Variants in INTS3 observed in about 807,000 individuals in gnomAD.
INTS3 encodes the protein SOSS complex subunit A.
A neutral mutation model predicts 146.3 loss-of-function variants in INTS3; 34 were observed. The observed-to-expected ratio is 0.23, with a 90% confidence interval of 0.18 to 0.31. INTS3 has a LOEUF of 0.31. Among genes scored for constraint, INTS3 ranks in the 10% least tolerant of loss-of-function variants. The probability of loss-of-function intolerance (pLI) is 1.00; values close to 1 mark genes in which losing one functional copy is unlikely to be tolerated. For synonymous variants in INTS3, 475 were observed against 494.9 expected, an observed-to-expected ratio of 0.96 and a Z score of 0.53; for missense variants, 757 against 1,304.2, an observed-to-expected ratio of 0.58 and a Z score of 6.46.
intron 3 of INTS3, among the ~76,000 whole-genome samples, chr1:153,745,345 T>A (rs1232085240): frequency 6.6e-6 from 1 of 151,940 alleles, no homozygotes; most frequent in Admixed American, 6.6e-5. Flanking sequence ...TTAGTAGAGA[T>A]GGAGTTTCAC....
chr1:153,732,038 G>A (rs1456590544), intron 1 of INTS3, among the ~76,000 whole-genome samples: 1 of 149,574 alleles, frequency 6.7e-6, no homozygotes, highest in Non-Finnish European at 1.5e-5. Context: ...CTCCAGAGTA[G>A]CTGGGATTAC....
intron 3 of INTS3, chr1:153,746,716 C>T: frequency 2.2e-6 from 1 of 451,780 alleles, no homozygotes; most frequent in South Asian, 3.7e-5. Context: ...GCAGGCTTTT[C>T]TGCCTCATTA....
chr1:153,735,170 A>G (rs554250695), intron 1 of INTS3, among the ~76,000 whole-genome samples: 15 of 152,168 alleles, frequency 9.9e-5, no homozygotes, highest in East Asian at 1.9e-4. Context: ...CGGCTTCACT[A>G]TGTTGCCTAG....
chr1:153,759,169 C>G (rs1407459134), intron 10 of INTS3, among the ~76,000 whole-genome samples: 2 of 151,332 alleles, frequency 1.3e-5, no homozygotes, highest in East Asian at 3.9e-4. Flanking sequence ...CCTGTAGTCC[C>G]AGGCTGAGGT....
chr1:153,767,888 T>A, intron 21 of INTS3, 61 bp downstream of exon 21: 2 of 1,489,108 alleles, frequency 1.3e-6, no homozygotes, highest in Non-Finnish European at 1.8e-6. Flanking sequence ...CAGTGAACAC[T>A]CTGAGTACAC....
At chr1:153,752,627 C>A (rs1044243487) in intron 8 of INTS3, among the ~76,000 whole-genome samples, 1 of 152,208 alleles carries the variant, frequency 6.6e-6, no homozygotes, top group Admixed American at 6.5e-5. Flanking sequence ...CAGACTCCAG[C>A]TGCCACATTA....
intron 1 of INTS3, among the ~76,000 whole-genome samples, chr1:153,731,187 A>G (rs926158402): frequency 1.3e-5 from 2 of 152,168 alleles, no homozygotes; most frequent in African/African-American, 2.4e-5. Context: ...GTAAAAAAAC[A>G]AAAACAATAA....
intron 1 of INTS3, among the ~76,000 whole-genome samples, chr1:153,737,680 G>A (rs1046489660): frequency 6.6e-6 from 1 of 152,116 alleles, no homozygotes; most frequent in Non-Finnish European, 1.5e-5. Flanking sequence ...TGTATTTTTA[G>A]TAGAGACGGG....
intron 7 of INTS3, 129 bp from the exon 8 acceptor site, chr1:153,752,150 A>C: frequency 1.1e-6 from 1 of 942,452 alleles, no homozygotes; most frequent in Middle Eastern, 2.2e-4. Context: ...TTCCAGAAGA[A>C]ATCATAGTTT....
chr1:153,766,475 T>C (rs1177048083), intron 20 of INTS3: 1 of 151,878 alleles, frequency 6.6e-6, no homozygotes, highest in Non-Finnish European at 1.5e-5. Context: ...TTTTTGTATT[T>C]TTTTGTAGAG....
intron 5 of INTS3, chr1:153,747,698 T>C: frequency 8.7e-6 from 3 of 343,532 alleles, no homozygotes; most frequent in Middle Eastern, 9.1e-4. Context: ...GGGCAATTAA[T>C]TTGTTCTCAA....
chr1:153,731,356 C>A (rs578080130), intron 1 of INTS3, among the ~76,000 whole-genome samples: 3 of 152,246 alleles, frequency 2.0e-5, no homozygotes, highest in African/African-American at 7.2e-5. Context: ...TATATCCTTT[C>A]TTCTCTTTGG....
chr1:153,742,506 G>GTT (rs1470351106), intron 3 of INTS3, among the ~76,000 whole-genome samples: 1 of 151,820 alleles, frequency 6.6e-6, no homozygotes, highest in African/African-American at 2.4e-5. Context: ...GTGTGTGTGT[G>GTT]TGCGTGCGCA....
intron 3 of INTS3, among the ~76,000 whole-genome samples, chr1:153,745,111 C>T (rs1230826667): frequency 6.6e-6 from 1 of 150,416 alleles, no homozygotes; most frequent in East Asian, 1.9e-4. Flanking sequence ...TTGTTGATGC[C>T]ATCCTTGCTG....
chr1:153,737,100 A>G (rs886249347), intron 1 of INTS3, among the ~76,000 whole-genome samples: 1 of 152,008 alleles, frequency 6.6e-6, no homozygotes, highest in African/African-American at 2.4e-5. Flanking sequence ...CCTATTATCC[A>G]TATTTGTCAG....
At chr1:153,769,692 C>T in intron 22 of INTS3, 77 bp from the exon 23 acceptor site, 2 of 946,830 alleles carry the variant, frequency 2.1e-6, no homozygotes, top group Non-Finnish European at 3.4e-6. Context: ...TACGAGCCCT[C>T]CTGCGTCCCC....
In INTS3 at chr1:153,770,100, T is replaced by TGC. The variant is rs1318371585; in HGVS notation, c.2390-97_2390-96insCG. 5.6e-5 allele frequency: 23 copies of TGC among 409,106 alleles called. 1 individual carries two copies. The highest frequency in any genetic ancestry group is 9.1e-5 in the Non-Finnish European group (21 of 230,552). 25.3% of individuals were successfully genotyped at this position (409,106 alleles called of 1,614,324 possible). On this transcript the variant is annotated intron_variant, in intron 23 of 29. Transcript: ENST00000318967. ...GTGTGTGTGTGTGTGTGTGTGTGTG[T>TGC]GTGCTGGTAGTCAGTGGATGGGGGG...
At position 153,762,249 on chromosome 1, in the gene INTS3, G is replaced by A. The variant is rs575489775; in HGVS notation, c.1517-479G>A. Among the ~76,000 whole-genome samples, 389 of 152,332 alleles carry A rather than the reference G, an allele frequency of 2.6e-3. 3 individuals are homozygous for A. The highest frequency in any genetic ancestry group is 8.9e-3 in the African/African-American group (369 of 41,576). On this transcript the variant is annotated intron_variant, in intron 14 of 29. Coordinates refer to ENST00000318967, the MANE Select transcript of INTS3 (RefSeq NM_023015.5). ...GGATCACTTGAGGTCAGGAGTTCAA[G>A]ACCAGCCTGGCCAACATCATGAAAC...
At position 153,757,098 on chromosome 1, in the gene INTS3, A is replaced by G. The variant is rs1672188976; in HGVS notation, c.958-474A>G. On this transcript the variant is annotated intron_variant, in intron 9 of 29. Transcript: ENST00000318967. This position sits in a 1 kb window ranked among gnomAD's most constrained non-coding sequence, Gnocchi z 4.0. ...AAACTTTCCACAAGAAGGTTTGGAG[A>G]GTCTAGGCTTTGGATAATGGTCCTG... is the stretch of plus-strand genomic sequence containing the variant. 6.6e-6 allele frequency among the ~76,000 whole-genome samples: 1 copy of G among 152,176 alleles called. No individual in the cohort carries two copies. Among genetic ancestry groups the G allele is most frequent in the African/African-American group, 2.4e-5 (1 of 41,444 alleles).
Sources: allele counts gnomAD v4.1 joint callset (sites outside exome capture counted in the v4.1 genomes callset), GRCh38; gene constraint gnomAD v4.1.1; non-coding constraint Gnocchi (gnomAD v3.1); transcripts MANE v1.5; gene names NCBI Gene and HGNC (gene_info 2026-07-23, HGNC 2026-07-21).